The following SPATA13 variants were observed in gnomAD, a reference collection of about 807,000 sequenced individuals.
SPATA13 encodes spermatogenesis-associated protein 13.
SPATA13 carries 50 observed loss-of-function variants against 104.0 expected under a neutral mutation model. That is an observed-to-expected ratio of 0.48 (90% CI 0.38 to 0.61). SPATA13 has a LOEUF of 0.61. SPATA13 is among the 20% of genes least tolerant of loss of function. The pLI is 0.00. For missense variants in SPATA13, 1,524 were observed against 1,690.6 expected (o/e 0.90, Z 1.73); for synonymous variants, 606 against 667.5 (o/e 0.91, Z 1.42).
intron 3 of SPATA13, among the ~76,000 whole-genome samples, chr13:24,094,133 G>T (rs574460820): frequency 1.3e-5 from 2 of 152,146 alleles, no homozygotes; most frequent in African/African-American, 4.8e-5. Flanking sequence ...GGTTTGTGGG[G>T]GGCACATTTT....
chr13:24,191,756 C>T (rs201829120), intron 1 of SPATA13, among the ~76,000 whole-genome samples: 8 of 151,860 alleles, frequency 5.3e-5, no homozygotes, highest in South Asian at 2.1e-4. Context: ...GTGATCCGCC[C>T]GCCTCAGTCT....
intron 1 of SPATA13, among the ~76,000 whole-genome samples, chr13:24,201,908 A>G (rs1206820143): frequency 6.6e-6 from 1 of 152,054 alleles, no homozygotes; most frequent in East Asian, 1.9e-4. Flanking sequence ...TTTAGTCTCC[A>G]TAGTTTTGCC....
intron 1 of SPATA13, among the ~76,000 whole-genome samples, chr13:24,219,744 G>A (rs972087168): frequency 6.6e-6 from 1 of 152,208 alleles, no homozygotes; most frequent in Non-Finnish European, 1.5e-5. Flanking sequence ...CCTGGGGAAG[G>A]AGACACCTGC....
rs571618712 is a variant in SPATA13, at chr13:24,016,607, C to T, written c.-146-1060C>T. ...TCCTAAGCAGGCTCAGTGTCCAGGGCCCGGGCATGGCCTGCAGGGCTGTGG... is the reference window on the plus strand; with the variant it reads ...TCCTAAGCAGGCTCAGTGTCCAGGGTCCGGGCATGGCCTGCAGGGCTGTGG... On this transcript the variant is annotated intron_variant, in intron 2 of 14. Transcript: ENST00000424834. Among the ~76,000 whole-genome samples the T allele has an allele frequency of 9.8e-4, 149 of 152,350 alleles. 1 individual carries two copies. The highest frequency in any genetic ancestry group is 5.6e-3 in the Admixed American group (86 of 15,308).
intron 1 of SPATA13, among the ~76,000 whole-genome samples, chr13:24,164,793 C>G (rs543905254): frequency 6.6e-6 from 1 of 152,246 alleles, no homozygotes; most frequent in Non-Finnish European, 1.5e-5. Flanking sequence ...CACCACAGAA[C>G]CTTTCACAAC....
intron 1 of SPATA13, among the ~76,000 whole-genome samples, chr13:23,981,003 C>T (rs1218838796): frequency 6.6e-6 from 1 of 152,142 alleles, no homozygotes. Flanking sequence ...AGATTTGGAT[C>T]CACGAAACGA....
intron 4 of SPATA13, among the ~76,000 whole-genome samples, chr13:24,280,178 A>G (rs1007218525): frequency 6.6e-6 from 1 of 152,086 alleles, no homozygotes; most frequent in Non-Finnish European, 1.5e-5. Context: ...CCCCGGGTAG[A>G]GCTGTTTTGC....
chr13:24,213,524 C>T (rs1317869275), intron 1 of SPATA13, among the ~76,000 whole-genome samples: 1 of 152,146 alleles, frequency 6.6e-6, no homozygotes, highest in Non-Finnish European at 1.5e-5. Context: ...CTCGGCCTCC[C>T]AAAGTGCTGG....
At chr13:24,158,680 CACAA>C (rs532364428), upstream of SPATA13, among the ~76,000 whole-genome samples, 254 of 152,296 alleles carry the variant, frequency 1.7e-3, 1 homozygote, top group African/African-American at 2.7e-3. Context: ...TTTTAAAACT[CACAA>C]ACAAACAATC....
At chr13:24,021,702 G>A (rs1380937381) in intron 3 of SPATA13, among the ~76,000 whole-genome samples, 1 of 151,330 alleles carries the variant, frequency 6.6e-6, no homozygotes, top group African/African-American at 2.4e-5. Flanking sequence ...ACTCTGTGAA[G>A]GTTGTTGGAA....
At chr13:24,001,362 TG>T (rs1381704586) in intron 2 of SPATA13, among the ~76,000 whole-genome samples, 1 of 151,306 alleles carries the variant, frequency 6.6e-6, no homozygotes, top group Non-Finnish European at 1.5e-5. Flanking sequence ...GAGTGGAGGT[TG>T]GGGGAGTGTC....
chr13:24,028,879 A>G (rs1877351688), intron 3 of SPATA13, among the ~76,000 whole-genome samples: 1 of 152,132 alleles, frequency 6.6e-6, no homozygotes, highest in Non-Finnish European at 1.5e-5. Flanking sequence ...CATTTCTAAA[A>G]ATATCCTTGC....
intron 2 of SPATA13, among the ~76,000 whole-genome samples, chr13:24,241,399 C>A (rs995791730): frequency 5.3e-5 from 8 of 152,236 alleles, no homozygotes; most frequent in Admixed American, 6.5e-5. Flanking sequence ...TGCAGCAGAG[C>A]CATCTTGAAC....
chr13:24,280,636 C>T (rs1321432198), intron 4 of SPATA13, among the ~76,000 whole-genome samples: 2 of 152,102 alleles, frequency 1.3e-5, no homozygotes, highest in Non-Finnish European at 2.9e-5. Context: ...TGTATATGCT[C>T]CTCACCCAGG....
chr13:24,273,282 G>T lies in SPATA13; in HGVS notation c.2165-10853G>T, dbSNP rs41287020. 2.8e-3 allele frequency: 433 copies of T among 152,718 alleles called. 2 individuals are homozygous for T. The highest frequency in any genetic ancestry group is 0.012 in the South Asian group (58 of 4,834). The allele number at this position is 152,718 out of a possible 1,614,324, so 9.5% of individuals were successfully genotyped here. On this transcript the variant is annotated intron_variant, in intron 4 of 12. Transcript: ENST00000382108. ...CTTGGTTGTGGGGTCTGGAGCCAAT[G>T]GGGTGTTGGCTGCCCAGGGTGCAGG... is the stretch of plus-strand genomic sequence containing the variant.
intron 1 of SPATA13, among the ~76,000 whole-genome samples, chr13:24,164,650 TGTC>T (rs1228116429): frequency 6.6e-6 from 1 of 152,204 alleles, no homozygotes; most frequent in African/African-American, 2.4e-5. Flanking sequence ...TCAGGGAAGC[TGTC>T]GTGGCCAGAG....
chr13:24,048,740 C>T (rs573440802), intron 3 of SPATA13, among the ~76,000 whole-genome samples: 2 of 152,138 alleles, frequency 1.3e-5, no homozygotes, highest in South Asian at 2.1e-4. Flanking sequence ...TATCAGAGTG[C>T]ACTCTCATAA....
chr13:24,276,754 C>T (rs1875013953), intron 4 of SPATA13, among the ~76,000 whole-genome samples: 1 of 152,058 alleles, frequency 6.6e-6, no homozygotes, highest in Non-Finnish European at 1.5e-5. Flanking sequence ...GTCAAAATTC[C>T]CTTAGATAAG....
intron 3 of SPATA13, among the ~76,000 whole-genome samples, chr13:24,137,073 G>A (rs1182313221): frequency 1.4e-5 from 2 of 140,670 alleles, no homozygotes; most frequent in African/African-American, 2.6e-5. Context: ...CTCGTGATCC[G>A]CCCGCCTCGG....
Sources: gnomAD v4.1 joint callset for allele counts (sites outside exome capture counted in the v4.1 genomes callset) on GRCh38, gnomAD v4.1.1 for gene constraint, MANE v1.5 for transcripts, NCBI Gene and HGNC (gene_info 2026-07-23, HGNC 2026-07-21) for gene names.